The following PCDH15 variants were observed in gnomAD, a reference collection of about 807,000 sequenced individuals.
PCDH15 encodes the protein protocadherin-15.
PCDH15 carries 129 observed loss-of-function variants against 178.5 expected under a neutral mutation model. That is an observed-to-expected ratio of 0.72 (90% CI 0.63 to 0.84). The LOEUF (loss-of-function observed/expected upper bound fraction) is 0.84, where lower values mean the gene tolerates loss of function less well. PCDH15 is among the 40% of genes least tolerant of loss of function. PCDH15 has a pLI of 0.00. For synonymous variants in PCDH15, 800 were observed against 732.0 expected, an observed-to-expected ratio of 1.09 and a Z score of -1.50; for missense variants, 2,230 against 2,099.9, an observed-to-expected ratio of 1.06 and a Z score of -1.21.
intron 20 of PCDH15, among the ~76,000 whole-genome samples, chr10:54,004,825 C>A: frequency 2.0e-5 from 3 of 146,370 alleles, no homozygotes; most frequent in Non-Finnish European, 1.5e-5. Context: ...TATGGAAGTA[C>A]AAAAGACCTA....
intron 9 of PCDH15, among the ~76,000 whole-genome samples, chr10:54,235,465 C>A (rs1419431338): frequency 6.6e-6 from 1 of 152,246 alleles, no homozygotes; most frequent in African/African-American, 2.4e-5. Context: ...TATTAAATTT[C>A]ATCCTTTGGC....
chr10:54,669,690 T>C (rs1463223004), intron 1 of PCDH15, among the ~76,000 whole-genome samples: 1 of 147,884 alleles, frequency 6.8e-6, no homozygotes, highest in African/African-American at 2.5e-5. Flanking sequence ...ACTAGATCTT[T>C]GCTCGGGCTT....
intron 2 of PCDH15, among the ~76,000 whole-genome samples, chr10:54,651,312 T>C (rs1183741193): frequency 6.6e-6 from 1 of 152,098 alleles, no homozygotes; most frequent in Non-Finnish European, 1.5e-5. Flanking sequence ...GGAAATAATA[T>C]GAGTAGGCAA....
chr10:54,176,216 C>T (rs2047418801), intron 13 of PCDH15, among the ~76,000 whole-genome samples: 2 of 152,070 alleles, frequency 1.3e-5, no homozygotes, highest in Non-Finnish European at 2.9e-5. Flanking sequence ...ATACTGACCA[C>T]TCGTGGTTAG....
intron 2 of PCDH15, among the ~76,000 whole-genome samples, chr10:54,618,118 T>C (rs1158286218): frequency 6.6e-6 from 1 of 152,076 alleles, no homozygotes; most frequent in Non-Finnish European, 1.5e-5. Flanking sequence ...GTCATGTCAG[T>C]ATAATATGAG....
chr10:55,457,716 TTA>T (rs1228387110), intron 2 of PCDH15, among the ~76,000 whole-genome samples: 3 of 152,048 alleles, frequency 2.0e-5, no homozygotes, highest in African/African-American at 7.2e-5. Flanking sequence ...ATGGGTTTCA[TTA>T]TGATTCTTAC....
At chr10:55,472,630 G>T (rs551265206) in intron 2 of PCDH15, among the ~76,000 whole-genome samples, 1 of 152,096 alleles carries the variant, frequency 6.6e-6, no homozygotes, top group Non-Finnish European at 1.5e-5. Context: ...GTGCAGTGGC[G>T]CGGTCTGCGC....
At chr10:55,257,487 C>T (rs72612401) in intron 1 of PCDH15, among the ~76,000 whole-genome samples, 4 of 152,156 alleles carry the variant, frequency 2.6e-5, no homozygotes, top group African/African-American at 4.8e-5. Context: ...AAAAATTAGA[C>T]GAATGGCTAA....
At chr10:53,847,860 T>C (rs184154312) in intron 28 of PCDH15, among the ~76,000 whole-genome samples, 43 of 152,184 alleles carry the variant, frequency 2.8e-4, no homozygotes, top group Middle Eastern at 3.4e-3. Flanking sequence ...TTTTTTTCTG[T>C]GTGAATCATT....
intron 1 of PCDH15, among the ~76,000 whole-genome samples, chr10:55,293,145 A>T (rs759611770): frequency 6.6e-6 from 1 of 152,098 alleles, no homozygotes; most frequent in Non-Finnish European, 1.5e-5. Context: ...CTGGCTCCAT[A>T]CCACATGGGA....
chr10:55,068,784 T>TGTGC (rs926445721), intron 2 of PCDH15, among the ~76,000 whole-genome samples: 119 of 151,938 alleles, frequency 7.8e-4, no homozygotes, highest in African/African-American at 2.5e-3. Flanking sequence ...TGTGTGTGTG[T>TGTGC]GCGTGCACGT....
chr10:53,996,715 TC>T (rs1206018647), intron 20 of PCDH15, among the ~76,000 whole-genome samples: 16 of 152,132 alleles, frequency 1.1e-4, no homozygotes, highest in African/African-American at 3.6e-4. Flanking sequence ...TTGTATATAA[TC>T]TTTTGTCAAT....
intron 15 of PCDH15, among the ~76,000 whole-genome samples, chr10:54,117,724 G>A (rs2095140419): frequency 1.3e-5 from 2 of 152,090 alleles, no homozygotes; most frequent in South Asian, 4.1e-4. Flanking sequence ...CAGTGGAGAG[G>A]AGATCCACAG....
chr10:54,781,051 C>T (rs961814384), intron 1 of PCDH15, among the ~76,000 whole-genome samples: 2 of 152,086 alleles, frequency 1.3e-5, no homozygotes, highest in African/African-American at 4.8e-5. Context: ...ATTACCTCTA[C>T]CTAAGCCACT....
intron 23 of PCDH15, among the ~76,000 whole-genome samples, chr10:53,949,589 T>A (rs920289357): frequency 2.0e-5 from 3 of 151,892 alleles, no homozygotes; most frequent in African/African-American, 4.8e-5. Flanking sequence ...AAAAAAAAAA[T>A]TAGCTGGGCA....
At chr10:54,268,749 C>G (rs575018587) in intron 8 of PCDH15, among the ~76,000 whole-genome samples, 58 of 151,870 alleles carry the variant, frequency 3.8e-4, no homozygotes, top group African/African-American at 1.2e-3. Context: ...AATTATAGTA[C>G]TGTAAATATA....
chr10:54,371,249 CATT>C (rs1455991864), intron 4 of PCDH15, among the ~76,000 whole-genome samples: 2 of 151,674 alleles, frequency 1.3e-5, no homozygotes, highest in Non-Finnish European at 2.9e-5. Context: ...CAGCTACAAA[CATT>C]AATGTAAAAA....
chr10:55,450,754 T>C (rs1488736493), intron 2 of PCDH15, among the ~76,000 whole-genome samples: 1 of 151,962 alleles, frequency 6.6e-6, no homozygotes. Flanking sequence ...GTAGAATCTA[T>C]TTTTGTCTTG....
intron 2 of PCDH15, among the ~76,000 whole-genome samples, chr10:54,909,907 G>T (rs1000816385): frequency 6.6e-6 from 1 of 152,010 alleles, no homozygotes; most frequent in South Asian, 2.1e-4. Flanking sequence ...CAGGGAGGTG[G>T]TCTCCAGGGG....
Sources: allele counts gnomAD v4.1 joint callset (sites outside exome capture counted in the v4.1 genomes callset), GRCh38; gene constraint gnomAD v4.1.1; transcripts MANE v1.5; gene names NCBI Gene and HGNC (gene_info 2026-07-23, HGNC 2026-07-21).